BRD10: variants seen among roughly 807,000 people sequenced by gnomAD.
BRD10 encodes bromodomain containing 10, also known as uncharacterized bromodomain-containing protein 10.
At chr9:5,928,328 A>G in the BRD10 span, among the ~76,000 whole-genome samples, 1 of 152,116 alleles carries the variant, frequency 6.6e-6, no homozygotes, top group African/African-American at 2.4e-5. Context: ...CCCTGCTTTC[A>G]TCTTTGTCCT....
chr9:5,969,476 G>T, the BRD10 span: 2 of 1,286,752 alleles, frequency 1.6e-6, no homozygotes, highest in Non-Finnish European at 1.1e-6. Context: ...TTATTCAGAG[G>T]GTACCATAAA....
the BRD10 span, chr9:5,954,092 T>C: frequency 3.3e-6 from 5 of 1,535,670 alleles, no homozygotes; most frequent in Non-Finnish European, 4.4e-6. Context: ...GACGGATTTT[T>C]TTCCTTTCAA....
the BRD10 span, among the ~76,000 whole-genome samples, chr9:5,923,465 A>C: frequency 6.6e-6 from 1 of 152,244 alleles, no homozygotes; most frequent in Admixed American, 6.5e-5. Flanking sequence ...TGATGAAGAC[A>C]AAGGTAAGGT....
At chr9:5,920,679 G>A in the BRD10 span, 8 of 1,613,946 alleles carry the variant, frequency 5.0e-6, no homozygotes, top group African/African-American at 4.0e-5. Flanking sequence ...GATACAGAAC[G>A]TGTGGCTCCT....
chr9:5,909,440 T>G, the BRD10 span: 2 of 152,250 alleles, frequency 1.3e-5, no homozygotes, highest in South Asian at 4.1e-4. Context: ...GTAGTTTTAG[T>G]AGAGACGGGG....
chr9:5,945,550 T>C, the BRD10 span, among the ~76,000 whole-genome samples: 1 of 152,110 alleles, frequency 6.6e-6, no homozygotes, highest in South Asian at 2.1e-4. Context: ...ACAGATAGCA[T>C]CTATTTCCTT....
chr9:5,914,451 TCTCA>T, the BRD10 span, among the ~76,000 whole-genome samples: 1 of 110,188 alleles, frequency 9.1e-6, no homozygotes, highest in Non-Finnish European at 1.7e-5. Context: ...TGAGACGGAG[TCTCA>T]CTCTGTCACC....
At chr9:5,950,318 T>C in the BRD10 span, among the ~76,000 whole-genome samples, 1 of 152,218 alleles carries the variant, frequency 6.6e-6, no homozygotes, top group African/African-American at 2.4e-5. Context: ...ACTGACCTGC[T>C]TATTTGAAAA....
chr9:5,907,750 C>T, the BRD10 span, among the ~76,000 whole-genome samples: 1 of 152,138 alleles, frequency 6.6e-6, no homozygotes, highest in African/African-American at 2.4e-5. Context: ...CTCAGGAGCT[C>T]GAGACCAGCC....
chr9:5,954,105 T>A, the BRD10 span: 2 of 1,486,486 alleles, frequency 1.3e-6, no homozygotes, highest in Non-Finnish European at 1.8e-6. Flanking sequence ...CCTTTCAAGA[T>A]TAAAAGAGAA....
the BRD10 span, among the ~76,000 whole-genome samples, chr9:5,907,389 T>A: frequency 2.0e-5 from 3 of 152,176 alleles, no homozygotes; most frequent in South Asian, 6.2e-4. Flanking sequence ...TACCTATTAT[T>A]TATTGTATAG....
At chr9:5,934,811 T>C in the BRD10 span, among the ~76,000 whole-genome samples, 1 of 152,214 alleles carries the variant, frequency 6.6e-6, no homozygotes, top group Non-Finnish European at 1.5e-5. Flanking sequence ...TCACTAACTA[T>C]ATCCAAAGGT....
chr9:5,983,584 C>A, the BRD10 span, among the ~76,000 whole-genome samples: 1 of 151,960 alleles, frequency 6.6e-6, no homozygotes, highest in East Asian at 1.9e-4. Flanking sequence ...CTAAATGTAA[C>A]TTTTAGAGAT....
chr9:5,956,586 C>T, the BRD10 span, among the ~76,000 whole-genome samples: 1 of 152,158 alleles, frequency 6.6e-6, no homozygotes, highest in South Asian at 2.1e-4. Flanking sequence ...AAAGCTTATA[C>T]TACTGCTAGG....
At chr9:5,945,359 A>T in the BRD10 span, among the ~76,000 whole-genome samples, 2 of 152,040 alleles carry the variant, frequency 1.3e-5, no homozygotes, top group Non-Finnish European at 2.9e-5. Flanking sequence ...GAATAAACAC[A>T]CTCTTGGAGA....
At chr9:5,895,786 G>A in the BRD10 span, among the ~76,000 whole-genome samples, 6 of 152,332 alleles carry the variant, frequency 3.9e-5, no homozygotes, top group Admixed American at 1.3e-4. Flanking sequence ...ACTCTGAGGC[G>A]CCCTGCCAAG....
the BRD10 span, chr9:6,007,056 C>A: frequency 1.2e-6 from 1 of 844,378 alleles, no homozygotes; most frequent in South Asian, 1.7e-5. Context: ...CAGCGCCGCT[C>A]CTCCTCCCGG....
At chr9:5,969,266 T>G in the BRD10 span, 1 of 1,613,940 alleles carries the variant, frequency 6.2e-7, no homozygotes, top group East Asian at 2.2e-5. Context: ...AAAGACTATT[T>G]CTGGCAAATT....
the BRD10 span, chr9:5,881,817 G>C: frequency 3.9e-5 from 6 of 152,154 alleles, no homozygotes; most frequent in African/African-American, 7.2e-5. Context: ...CTCTGATGGT[G>C]CTACTTCCTA....
Sources: gnomAD v4.1 joint callset for allele counts (sites outside exome capture counted in the v4.1 genomes callset) on GRCh38, gnomAD v4.1.1 for gene constraint, MANE v1.5 for transcripts, NCBI Gene and HGNC (gene_info 2026-07-23, HGNC 2026-07-21) for gene names.